GALNT13: variants seen among roughly 807,000 people sequenced by gnomAD.
GALNT13 encodes the protein UDP-GalNAc:polypeptide N-acetylgalactosaminyltransferase 13.
GALNT13 carries 28 observed loss-of-function variants against 64.2 expected under a neutral mutation model. The observed-to-expected ratio is 0.44, with a 90% CI of 0.32 to 0.60. The LOEUF (loss-of-function observed/expected upper bound fraction) is 0.60. Among genes scored for constraint, GALNT13 ranks in the 20% least tolerant of loss-of-function variants. The pLI is 0.05. For missense variants in GALNT13, 577 were observed against 669.8 expected (o/e 0.86, Z 1.53); for synonymous variants, 214 against 224.6 (o/e 0.95, Z 0.42).
the GALNT13 span, among the ~76,000 whole-genome samples, chr2:153,133,300 G>A: frequency 1.3e-5 from 2 of 152,032 alleles, no homozygotes; most frequent in Non-Finnish European, 2.9e-5. Context: ...AGACAGCCAA[G>A]TAAAAAGGGA....
the GALNT13 span, among the ~76,000 whole-genome samples, chr2:153,685,332 C>T: frequency 6.6e-6 from 1 of 151,754 alleles, no homozygotes; most frequent in Non-Finnish European, 1.5e-5. Flanking sequence ...CATCTGCTAT[C>T]TTTTGACTTT....
At chr2:153,444,401 A>G in the GALNT13 span, among the ~76,000 whole-genome samples, 117 of 152,322 alleles carry the variant, frequency 7.7e-4, no homozygotes, top group Middle Eastern at 3.4e-3. Flanking sequence ...AAAAATCTCA[A>G]TCTGTTCAAT....
chr2:153,274,457 G>C, the GALNT13 span, among the ~76,000 whole-genome samples: 1 of 152,164 alleles, frequency 6.6e-6, no homozygotes, highest in African/African-American at 2.4e-5. Context: ...TAACTACAAA[G>C]GAGAAGGAGA....
the GALNT13 span, among the ~76,000 whole-genome samples, chr2:153,776,696 A>C: frequency 6.6e-6 from 1 of 152,226 alleles, no homozygotes; most frequent in Non-Finnish European, 1.5e-5. Context: ...TTTTAAAAAA[A>C]GACTGTCACC....
Position 154,343,392 on chromosome 2 carries a change from G to A in GALNT13, c.1156+41803G>A, listed in dbSNP as rs140774421. ...AGTGGTTGTTACTGGAGATAAAATG[G>A]TGAATGACACATTAGGAAAATTTTC... On this transcript the variant is annotated intron_variant, in intron 9 of 12. Coordinates refer to ENST00000392825, the MANE Select transcript of GALNT13 (RefSeq NM_052917.4). 2.0e-5 allele frequency among the ~76,000 whole-genome samples: 3 copies of A among 152,064 alleles called. No homozygotes were observed. In the East Asian group the frequency reaches 5.8e-4, roughly 29 times the overall value.
intron 3 of GALNT13, among the ~76,000 whole-genome samples, chr2:154,051,373 C>A (rs1253996701): frequency 6.8e-6 from 1 of 147,614 alleles, no homozygotes; most frequent in Non-Finnish European, 1.5e-5. Flanking sequence ...TCCCTGCAAG[C>A]TCCGCTTCCC....
At chr2:154,381,975 T>C (rs1171249778) in intron 9 of GALNT13, among the ~76,000 whole-genome samples, 3 of 152,088 alleles carry the variant, frequency 2.0e-5, no homozygotes, top group Non-Finnish European at 2.9e-5. Flanking sequence ...ATTACATATA[T>C]TTTAAGAAAC....
At chr2:154,252,826 G>GAAGA (rs1205045177) in intron 7 of GALNT13, among the ~76,000 whole-genome samples, 12 of 152,058 alleles carry the variant, frequency 7.9e-5, no homozygotes, top group South Asian at 4.2e-4. Context: ...GAGAGGAAAG[G>GAAGA]AAGAAAGAAA....
At chr2:153,108,806 A>C in the GALNT13 span, among the ~76,000 whole-genome samples, 1 of 152,138 alleles carries the variant, frequency 6.6e-6, no homozygotes, top group African/African-American at 2.4e-5. Flanking sequence ...AGCCAAGGGG[A>C]GGTCATATAT....
chr2:154,069,761 A>G (rs1430424690), intron 3 of GALNT13, among the ~76,000 whole-genome samples: 22 of 152,098 alleles, frequency 1.4e-4, no homozygotes, highest in Admixed American at 1.4e-3. Flanking sequence ...ACCAACACCT[A>G]TACATTGAGG....
intron 1 of GALNT13, among the ~76,000 whole-genome samples, chr2:153,882,245 T>G (rs1056152734): frequency 6.6e-6 from 1 of 151,952 alleles, no homozygotes; most frequent in Non-Finnish European, 1.5e-5. Context: ...CTGCCCATAT[T>G]AAGCCCCCAA....
At chr2:153,686,270 A>G in the GALNT13 span, among the ~76,000 whole-genome samples, 1 of 152,012 alleles carries the variant, frequency 6.6e-6, no homozygotes, top group Admixed American at 6.6e-5. Context: ...GATTCTTCCT[A>G]TCGAGGAGCA....
chr2:154,213,225 G>A (rs1473667810), intron 4 of GALNT13, among the ~76,000 whole-genome samples: 1 of 152,050 alleles, frequency 6.6e-6, no homozygotes, highest in East Asian at 1.9e-4. Flanking sequence ...GACTACTGGT[G>A]CATGCCACAA....
At position 154,185,122 on chromosome 2, in the gene GALNT13, A is replaced by G. The variant is rs368868453; in HGVS notation, c.311+44617A>G. On this transcript the variant is annotated intron_variant, in intron 4 of 12. Coordinates refer to ENST00000392825, the MANE Select transcript of GALNT13 (RefSeq NM_052917.4). ...TATTTGACAGCTTTAGTGGTTATCA[A>G]TTTCCTAGTGGGCAGTTATTTTCTT... Among the ~76,000 whole-genome samples the G allele has an allele frequency of 7.9e-5, 12 of 152,180 alleles. 1 individual carries two copies. Among genetic ancestry groups the G allele is most frequent in the East Asian group, 1.9e-4 (1 of 5,182 alleles).
At chr2:153,656,340 G>GTGTGTGCA in the GALNT13 span, among the ~76,000 whole-genome samples, 1 of 109,372 alleles carries the variant, frequency 9.1e-6, no homozygotes, top group Non-Finnish European at 2.2e-5. Flanking sequence ...GTGTGTGTGT[G>GTGTGTGCA]CGCGCGCACA....
the GALNT13 span, among the ~76,000 whole-genome samples, chr2:153,073,986 A>G: frequency 6.6e-6 from 1 of 152,078 alleles, no homozygotes; most frequent in African/African-American, 2.4e-5. Context: ...TACTCCCTAT[A>G]TTCTTGCAAA....
At chr2:154,455,234 C>T (rs549616335), downstream of GALNT13, among the ~76,000 whole-genome samples, 1 of 152,252 alleles carries the variant, frequency 6.6e-6, no homozygotes, top group African/African-American at 2.4e-5. Context: ...TGTCTCCCAC[C>T]GCACATGGTT....
chr2:154,107,588 C>CAAAAAAAAA (rs145286349), intron 3 of GALNT13, among the ~76,000 whole-genome samples: 5 of 72,218 alleles, frequency 6.9e-5, no homozygotes, highest in Admixed American at 3.0e-4. Context: ...GACTACATCA[C>CAAAAAAAAA]AAAAAAAAAA....
At chr2:153,535,929 TCTC>T in the GALNT13 span, among the ~76,000 whole-genome samples, 3 of 152,234 alleles carry the variant, frequency 2.0e-5, no homozygotes, top group East Asian at 5.8e-4. Flanking sequence ...GCAGTGGCCT[TCTC>T]AGACCCTTTA....
Sources: gnomAD v4.1 joint callset for allele counts (sites outside exome capture counted in the v4.1 genomes callset) on GRCh38, gnomAD v4.1.1 for gene constraint, MANE v1.5 for transcripts, NCBI Gene and HGNC (gene_info 2026-07-23, HGNC 2026-07-21) for gene names.